Variants in SLC25A18 observed in about 807,000 individuals in gnomAD.
The protein encoded by SLC25A18 is mitochondrial glutamate carrier 2.
In SLC25A18, 24 loss-of-function variants were observed where a neutral mutation model predicts 31.1. That is an observed-to-expected ratio of 0.77 (90% CI 0.56 to 1.08). The LOEUF is 1.08. Among genes scored for constraint, SLC25A18 ranks in the 50% least tolerant of loss-of-function variants. The pLI, the probability that SLC25A18 is intolerant of heterozygous loss-of-function variation, is 0.00. For synonymous variants in SLC25A18, 173 were observed against 161.9 expected, an observed-to-expected ratio of 1.07 and a Z score of -0.52; for missense variants, 371 against 418.5, an observed-to-expected ratio of 0.89 and a Z score of 0.99.
chr22:17,588,269 C>T (rs527943821), intron 9 of SLC25A18, 190 bp downstream of exon 9: 61 of 592,968 alleles, frequency 1.0e-4, no homozygotes, highest in African/African-American at 9.6e-4. Flanking sequence ...ACACATCCCT[C>T]GCCTTCAAGA....
At chr22:17,581,581 GGT>G in intron 5 of SLC25A18, 168 bp downstream of exon 5, 1 of 708,318 alleles carries the variant, frequency 1.4e-6, no homozygotes, top group East Asian at 2.7e-5. Flanking sequence ...TCTGGGTCCT[GGT>G]AAGGCTTCCG....
At chr22:17,565,045 G>A (rs529615191) in intron 1 of SLC25A18, among the ~76,000 whole-genome samples, 1 of 152,100 alleles carries the variant, frequency 6.6e-6, no homozygotes, top group Non-Finnish European at 1.5e-5. Flanking sequence ...AGCCTCATTT[G>A]TCACTCTGTG....
At chr22:17,568,755 G>T (rs1177868432) in intron 1 of SLC25A18, among the ~76,000 whole-genome samples, 1 of 151,088 alleles carries the variant, frequency 6.6e-6, no homozygotes, top group African/African-American at 2.4e-5. Context: ...TAGAAACAGG[G>T]TTTCACCGTG....
intron 10 of SLC25A18, 39 bp downstream of exon 10, chr22:17,589,704 G>A: frequency 6.3e-7 from 1 of 1,586,834 alleles, no homozygotes; most frequent in Non-Finnish European, 8.7e-7. Flanking sequence ...GCTGGGACAG[G>A]TTCCTCTGCG....
chr22:17,567,487 G>A (rs1196131490), intron 1 of SLC25A18, among the ~76,000 whole-genome samples: 1 of 151,492 alleles, frequency 6.6e-6, no homozygotes, highest in Non-Finnish European at 1.5e-5. Context: ...TAATTTAGGA[G>A]CTGGAATCTG....
At chr22:17,581,535 TGAGCC>T in intron 5 of SLC25A18, 122 bp downstream of exon 5, 1 of 1,074,480 alleles carries the variant, frequency 9.3e-7, no homozygotes, top group Non-Finnish European at 1.4e-6. Flanking sequence ...TCCTTCCTGA[TGAGCC>T]TCTGTGCTCT....
At chr22:17,584,465 GAGAGAGAA>G (rs567417698) in intron 7 of SLC25A18, among the ~76,000 whole-genome samples, 5,671 of 136,536 alleles carry the variant, frequency 0.042, 213 homozygotes, top group Middle Eastern at 0.12. Context: ...GAGAGAGAGA[GAGAGAGAA>G]AGAAAGAAAG....
At position 17,575,909 on chromosome 22, in the gene SLC25A18, G is replaced by A. The variant is rs185232529; in HGVS notation, c.-200-3836G>A. On this transcript the variant is annotated intron_variant, in intron 2 of 10. Transcript: ENST00000327451. ...CTGCATCCCAAGGCGGTGACAGGGA[G>A]CCTCTGTCTTCCAGCTGGCTGCTTT... Among the ~76,000 whole-genome samples, 89 of 152,312 alleles carry A rather than the reference G, an allele frequency of 5.8e-4. 1 individual carries two copies. The highest frequency in any genetic ancestry group is 2.1e-3 in the African/African-American group (87 of 41,570).
At chr22:17,567,889 C>A (rs567910683) in intron 1 of SLC25A18, among the ~76,000 whole-genome samples, 13 of 151,884 alleles carry the variant, frequency 8.6e-5, no homozygotes, top group African/African-American at 2.9e-4. Flanking sequence ...ATACTTTCTG[C>A]AGAAAGGGTA....
intron 9 of SLC25A18, chr22:17,588,977 T>A (rs537512254): frequency 6.7e-6 from 1 of 149,888 alleles, no homozygotes; most frequent in Non-Finnish European, 1.5e-5. Flanking sequence ...GGTGGCAAGA[T>A]CACTTGAGCC....
intron 2 of SLC25A18, among the ~76,000 whole-genome samples, chr22:17,573,972 G>A (rs1409802402): frequency 6.6e-6 from 1 of 152,198 alleles, no homozygotes; most frequent in African/African-American, 2.4e-5. Context: ...GCTCACGCCT[G>A]TAATCCCGAC....
intron 8 of SLC25A18, 136 bp from the exon 9 acceptor site, chr22:17,587,789 G>A (rs2057595039): frequency 9.4e-7 from 1 of 1,067,892 alleles, no homozygotes; most frequent in South Asian, 1.4e-5. Flanking sequence ...ACGCTCACGG[G>A]GCACAAAAGA....
At chr22:17,565,060 C>T (rs1050363605) in intron 1 of SLC25A18, among the ~76,000 whole-genome samples, 1 of 151,946 alleles carries the variant, frequency 6.6e-6, no homozygotes, top group Non-Finnish European at 1.5e-5. Flanking sequence ...TCTGTGCAGA[C>T]TCATTCTGTT....
At chr22:17,587,353 G>T in intron 8 of SLC25A18, 52 bp downstream of exon 8, 1 of 1,554,584 alleles carries the variant, frequency 6.4e-7, no homozygotes, top group South Asian at 1.2e-5. Context: ...AGGGCACGAG[G>T]GCCAGAGAGC....
chr22:17,583,448 C>G lies in SLC25A18; in HGVS notation c.323C>G (p.Ala108Gly), dbSNP rs374642264. 1.9e-6 allele frequency: 3 copies of G among 1,614,088 alleles called. No individual in the cohort carries two copies. The highest frequency in any genetic ancestry group is 1.7e-6 in the Non-Finnish European group (2 of 1,180,014). Residue 108 changes from alanine (A) to glycine (G), a missense_variant, in exon 7 of 11, where the codon GCC (alanine) becomes GGC (glycine). Coordinates refer to ENST00000327451, the MANE Select transcript of SLC25A18 (RefSeq NM_031481.3). Reference protein sequence around the residue: ...MQRNLKMEMLAGCGAGMCQVV... With the variant: ...MQRNLKMEMLGGCGAGMCQVV... ...CGGAACCTGAAGATGGAGATGCTTG[C>G]CGGGTGTGGGGCTGGGATGTGCCAG...
At chr22:17,584,399 AAAAGAAAGAAAG>A (rs1187381986) in intron 7 of SLC25A18, among the ~76,000 whole-genome samples, 3 of 110,690 alleles carry the variant, frequency 2.7e-5, no homozygotes, top group African/African-American at 7.0e-5. Context: ...TCTCAAAAAG[AAAAGAAAGAAAG>A]AAAGAAAGAA....
intron 1 of SLC25A18, among the ~76,000 whole-genome samples, chr22:17,564,169 T>C (rs920137768): frequency 1.3e-5 from 2 of 152,194 alleles, no homozygotes; most frequent in African/African-American, 4.8e-5. Context: ...ATGCTAAACA[T>C]TTCCCAAAGG....
In SLC25A18 at chr22:17,563,640, A is replaced by G. The variant is rs908749639; in HGVS notation, c.-337A>G. The G allele has an allele frequency of 4.1e-6, 4 of 984,648 alleles. No individual in the cohort carries two copies. The highest frequency in any genetic ancestry group is 4.8e-6 in the Non-Finnish European group (4 of 829,204). The allele number at this position is 984,648 out of a possible 1,614,324, so 61.0% of individuals were successfully genotyped here. The stretch of plus-strand genomic sequence containing the variant: ...AAGGAACTGAGTAGGCAGTGAGAAG[A>G]GTCGAGTGAAGCCTGGCCCGTGAGT... On this transcript the variant is annotated 5_prime_UTR_variant, in exon 1 of 11. Coordinates refer to ENST00000327451, the MANE Select transcript of SLC25A18 (RefSeq NM_031481.3).
At chr22:17,584,469 GAGAA>G (rs1024411994) in intron 7 of SLC25A18, among the ~76,000 whole-genome samples, 1,471 of 121,312 alleles carry the variant, frequency 0.012, 80 homozygotes, top group African/African-American at 0.048. Context: ...GAGAGAGAGA[GAGAA>G]AGAAAGAAAG....
Sources: allele counts gnomAD v4.1 joint callset (sites outside exome capture counted in the v4.1 genomes callset), GRCh38; gene constraint gnomAD v4.1.1; transcripts MANE v1.5; gene names NCBI Gene and HGNC (gene_info 2026-07-23, HGNC 2026-07-21).